OR7D4: variants seen among roughly 807,000 people sequenced by gnomAD.
OR7D4 encodes olfactory receptor family 7 subfamily D member 4.
For synonymous variants in OR7D4, 154 were observed against 158.4 expected, an observed-to-expected ratio of 0.97 and a Z score of 0.21; for missense variants, 319 against 377.1, an observed-to-expected ratio of 0.85 and a Z score of 1.27.
In OR7D4 at chr19:9,213,749, C is replaced by T; in HGVS notation, c.*150G>A. 1.6e-6 allele frequency: 1 copy of T among 632,126 alleles called. No homozygotes were observed. Among genetic ancestry groups the T allele is most frequent in the Non-Finnish European group, 2.7e-6 (1 of 366,302 alleles). 39.2% of individuals were successfully genotyped at this position (632,126 alleles called of 1,614,324 possible). A position where few individuals can be genotyped will look rare whatever the true frequency, so the allele number is the denominator to read the frequency against. On this transcript the variant is annotated 3_prime_UTR_variant, in exon 2 of 2. Transcript: ENST00000641669. ...CCAGACTCTGTCTCAAAAACAATAA[C>T]AATAACAACAACAAACAACCCAATA...
chr19:9,214,947 C>T, intron 1 of OR7D4, 97 bp from the exon 2 acceptor site: 1 of 647,994 alleles, frequency 1.5e-6, no homozygotes. Context: ...GGACATTTGT[C>T]ACCCTTCCTG....
chr19:9,216,247 C>T (rs1254673436), intron 1 of OR7D4, among the ~76,000 whole-genome samples: 2 of 152,140 alleles, frequency 1.3e-5, no homozygotes, highest in African/African-American at 4.8e-5. Context: ...CTTGTTCTGG[C>T]ATCTTGATTT....
Position 9,214,002 on chromosome 19 carries a change from G to T in OR7D4, c.836C>A (p.Ala279Asp), listed in dbSNP as rs138510982. 8,002 of 1,614,040 alleles carry T rather than the reference G, an allele frequency of 5.0e-3. 23 individuals carry two copies. Among genetic ancestry groups the T allele is most frequent in the Non-Finnish European group, 6.2e-3 (7,357 of 1,179,980 alleles). Residue 279 changes from alanine (A) to aspartate (D), a missense_variant, in exon 2 of 2, where the codon GCC (alanine) becomes GAC (aspartate). Physicochemically the swap from Ala to Asp is moderately radical, Grantham distance 126. Coordinates refer to ENST00000641669, the MANE Select transcript of OR7D4 (RefSeq NM_001005191.3). ...QSSSTASVMY[A>D]MVTPMLNPFI... ...GGGGTTCAGCATGGGGGTGACCATG[G>T]CGTACATCACTGAGGCGGTGGAGCT... is the stretch of plus-strand genomic sequence containing the variant.
Position 9,211,388 on chromosome 19 carries a change from G to A in OR7D4, c.*2511C>T, listed in dbSNP as rs2051171610. ...CCAAGTTAGGCTGCAAAGATCAGCA[G>A]TTTCTAACATGCCAACATAGATCAA... On this transcript the variant is annotated 3_prime_UTR_variant, in exon 2 of 2. Coordinates refer to ENST00000641669, the MANE Select transcript of OR7D4 (RefSeq NM_001005191.3). 6.6e-6 allele frequency: 1 copy of A among 152,250 alleles called. No individual in the cohort carries two copies. The highest frequency in any genetic ancestry group is 2.4e-5 in the African/African-American group (1 of 41,472). The allele number at this position is 152,250 out of a possible 1,614,324, so 9.4% of individuals were successfully genotyped here.
intron 1 of OR7D4, 78 bp downstream of exon 1, chr19:9,219,122 T>G (rs532022166): frequency 6.6e-6 from 1 of 152,294 alleles, no homozygotes; most frequent in Admixed American, 6.5e-5. Context: ...ACTCTGGGTC[T>G]GGTAACCAAT....
Position 9,214,516 on chromosome 19 carries a change from C to T in OR7D4, c.322G>A (p.Ala108Thr). The change falls in exon 2 of 2, where the codon GCT becomes ACT. Residue 108 changes from alanine (A) to threonine (T), a missense_variant. Physicochemically the swap from Ala to Thr is moderately conservative, Grantham distance 58. Coordinates refer to ENST00000641669, the MANE Select transcript of OR7D4 (RefSeq NM_001005191.3). ...LTQVYFLMMF[A>T]GMDTFLLAVM... is the part of the protein sequence containing the mutation. ...GCCAGTAGGAAAGTATCCATTCCAG[C>T]AAACATCATTAAAAAATACACCTGA... The T allele has an allele frequency of 6.2e-7, 1 of 1,614,132 alleles. No homozygotes were observed. Among genetic ancestry groups the T allele is most frequent in the Middle Eastern group, 1.6e-4 (1 of 6,062 alleles).
Position 9,214,624 on chromosome 19 carries a change from A to C in OR7D4, c.214T>G (p.Cys72Gly), listed in dbSNP as rs757670576. 5 of 1,614,062 alleles carry C rather than the reference A, an allele frequency of 3.1e-6. No homozygotes were observed. Among genetic ancestry groups the C allele is most frequent in the Non-Finnish European group, 4.2e-6 (5 of 1,180,010 alleles). Residue 72 changes from cysteine to glycine, a missense_variant, in exon 2 of 2, where the codon TGT becomes GGT. Physicochemically the swap from Cys to Gly is radical, Grantham distance 159. Transcript: ENST00000641669. ...FLSNLSFVDI[C>G]FISTTVPKML... ...TTGGGGACTGTGGTGGAGATGAAAC[A>C]GATGTCAACAAAGGACAGGTTGGAG...
chr19:9,214,490 G>A lies in OR7D4; in HGVS notation c.348C>T (p.Ala116=), dbSNP rs144659669. Residue 116 remains alanine, a synonymous_variant, in exon 2 of 2, where the codon GCC becomes GCT. Coordinates refer to ENST00000641669, the MANE Select transcript of OR7D4 (RefSeq NM_001005191.3). Reference sequence around the variant, plus strand: ...CCACAAACCGGTCATAGGCCATCACGGCCAGTAGGAAAGTATCCATTCCAG... The same window carrying A: ...CCACAAACCGGTCATAGGCCATCACAGCCAGTAGGAAAGTATCCATTCCAG... ...MFAGMDTFLL[A]VMAYDRFVAI... 284 of 1,614,052 alleles carry A rather than the reference G, an allele frequency of 1.8e-4. 3 individuals are homozygous for A. Among genetic ancestry groups the A allele is most frequent in the South Asian group, 6.5e-4 (59 of 91,068 alleles).
In OR7D4 at chr19:9,210,601, TA is replaced by T. The variant is rs750902492; in HGVS notation, c.*3297del. 3.9e-5 allele frequency: 6 copies of T among 152,176 alleles called. No individual in the cohort carries two copies. Among genetic ancestry groups the T allele is most frequent in the South Asian group, 4.2e-4 (2 of 4,806 alleles). The allele number at this position is 152,176 out of a possible 1,614,324, so 9.4% of individuals were successfully genotyped here. A position where few individuals can be genotyped will look rare whatever the true frequency, so the allele number is the denominator to read the frequency against. ...AAAACAAAACAAAACAAAAACTCCA[TA>T]ACTTCCATACAACCTATTTTATCTA... On this transcript the variant is annotated 3_prime_UTR_variant, in exon 2 of 2. Coordinates refer to ENST00000641669, the MANE Select transcript of OR7D4 (RefSeq NM_001005191.3).
chr19:9,212,883 G>A lies in OR7D4; in HGVS notation c.*1016C>T, dbSNP rs1314435034. ...TTCTCCTGCCTCAGCCCTCCAAGTA[G>A]CTGGGAAGACAGGTGTGAGCCACTG... is the stretch of plus-strand genomic sequence containing the variant. On this transcript the variant is annotated 3_prime_UTR_variant, in exon 2 of 2. Transcript: ENST00000641669. 1 of 152,152 alleles carries A rather than the reference G, an allele frequency of 6.6e-6. No homozygotes were observed. Among genetic ancestry groups the A allele is most frequent in the Non-Finnish European group, 1.5e-5 (1 of 68,038 alleles). The allele number at this position is 152,152 out of a possible 1,614,324, so 9.4% of individuals were successfully genotyped here.
At chr19:9,217,968 G>C (rs187272458) in intron 1 of OR7D4, among the ~76,000 whole-genome samples, 2 of 152,292 alleles carry the variant, frequency 1.3e-5, no homozygotes, top group African/African-American at 2.4e-5. Context: ...CAGTGAGATG[G>C]GGAGCAGGGA....
intron 1 of OR7D4, among the ~76,000 whole-genome samples, chr19:9,215,341 CAAAAAAAA>C (rs56111510): frequency 2.4e-5 from 2 of 83,132 alleles, no homozygotes; most frequent in African/African-American, 3.5e-5. Context: ...GACTCCGTCT[CAAAAAAAA>C]AAAAAAAAAA....
intron 1 of OR7D4, among the ~76,000 whole-genome samples, chr19:9,217,318 A>T (rs933235982): frequency 3.9e-5 from 6 of 152,246 alleles, no homozygotes; most frequent in African/African-American, 1.4e-4. Flanking sequence ...CTATAAATCA[A>T]ATCATCCTAA....
chr19:9,218,135 T>C (rs775435574), intron 1 of OR7D4, among the ~76,000 whole-genome samples: 1 of 152,242 alleles, frequency 6.6e-6, no homozygotes, highest in Non-Finnish European at 1.5e-5. Context: ...GCCCAGCACA[T>C]TACTGATTCT....
Position 9,214,078 on chromosome 19 carries a change from T to C in OR7D4, c.760A>G (p.Thr254Ala), listed in dbSNP as rs1164289815. The C allele has an allele frequency of 6.2e-7, 1 of 1,613,988 alleles. No individual in the cohort carries two copies. The highest frequency in any genetic ancestry group is 2.2e-5 in the East Asian group (1 of 44,884). The change falls in exon 2 of 2, where the codon ACA (threonine) becomes GCA (alanine). Residue 254 changes from threonine (T) to alanine (A), a missense_variant. Physicochemically the swap from Thr to Ala is moderately conservative, Grantham distance 58. Transcript: ENST00000641669. ...GAACTCAGATAGACCCCAAGTCCTG[T>C]TCCATAGAACAAGGAGACCACACAG... ...HLCVVSLFYG[T>A]GLGVYLSSAV...
chr19:9,212,543 C>T lies in OR7D4; in HGVS notation c.*1356G>A, dbSNP rs543450424. 1.6e-4 allele frequency: 25 copies of T among 152,258 alleles called. No individual in the cohort carries two copies. The highest frequency in any genetic ancestry group is 5.1e-4 in the African/African-American group (21 of 41,552). The allele number at this position is 152,258 out of a possible 1,614,324, so 9.4% of individuals were successfully genotyped here. On this transcript the variant is annotated 3_prime_UTR_variant, in exon 2 of 2. Transcript: ENST00000641669. ...AGAGTTGGAACAAGATTGGCCCTGC[C>T]TAACATCACCTGTAGTGAGACACCT...
chr19:9,218,430 A>C (rs1377556501), intron 1 of OR7D4, among the ~76,000 whole-genome samples: 3 of 152,210 alleles, frequency 2.0e-5, no homozygotes, highest in Non-Finnish European at 4.4e-5. Flanking sequence ...AATGCATTTG[A>C]AAAAGATTAT....
At chr19:9,217,651 G>A (rs2051224816) in intron 1 of OR7D4, among the ~76,000 whole-genome samples, 2 of 152,130 alleles carry the variant, frequency 1.3e-5, no homozygotes, top group African/African-American at 4.8e-5. Flanking sequence ...CGATTCTCCT[G>A]TCTCAGCCTC....
Position 9,214,571 on chromosome 19 carries a change from G to T in OR7D4, c.267C>A (p.Ser89Arg). ...GGCACCCCATGTAGGAGATGTCTTTGCTCCGTGCCTGGATGCTCACTAGCA... is the reference window on the plus strand; with the variant it reads ...GGCACCCCATGTAGGAGATGTCTTTTCTCCGTGCCTGGATGCTCACTAGCA... The part of the protein sequence containing the change: ...PKMLVSIQAR[S>R]KDISYMGCLT... The change falls in exon 2 of 2, where the codon AGC becomes AGA. Residue 89 changes from serine to arginine, a missense_variant. By Grantham distance (110) the Ser-to-Arg change is moderately radical (BLOSUM62 -1). Transcript: ENST00000641669. 6.2e-7 allele frequency: 1 copy of T among 1,614,148 alleles called. No homozygotes were observed. Among genetic ancestry groups the T allele is most frequent in the Non-Finnish European group, 8.5e-7 (1 of 1,179,996 alleles).
Sources: gnomAD v4.1 joint callset for allele counts (sites outside exome capture counted in the v4.1 genomes callset) on GRCh38, gnomAD v4.1.1 for gene constraint, MANE v1.5 for transcripts, NCBI Gene and HGNC (gene_info 2026-07-23, HGNC 2026-07-21) for gene names.